The following UVRAG variants were observed in gnomAD, a reference collection of about 807,000 sequenced individuals.
UVRAG encodes UV radiation resistance-associated gene protein.
Under a neutral mutation model 78.0 loss-of-function variants are expected in UVRAG, and 19 were observed. That is an observed-to-expected ratio of 0.24 (90% CI 0.17 to 0.36). The LOEUF (loss-of-function observed/expected upper bound fraction) is 0.36. UVRAG is among the 10% of genes least tolerant of loss of function. The pLI, the probability that UVRAG is intolerant of heterozygous loss-of-function variation, is 1.00. For synonymous variants in UVRAG, 323 were observed against 324.6 expected (o/e 1.00, Z 0.05); for missense variants, 740 against 853.8 (o/e 0.87, Z 1.66).
At chr11:76,020,650 T>G (rs1950228464) in intron 12 of UVRAG, among the ~76,000 whole-genome samples, 2 of 4,574 alleles carry the variant, frequency 4.4e-4, no homozygotes, top group Non-Finnish European at 1.5e-3. Context: ...AGAAGGAGTC[T>G]TTTTTTTTTT....
At chr11:75,940,027 A>C (rs1453948441) in intron 6 of UVRAG, among the ~76,000 whole-genome samples, 1 of 152,224 alleles carries the variant, frequency 6.6e-6, no homozygotes, top group African/African-American at 2.4e-5. Context: ...AGGGGATTCC[A>C]TGAAAATGTT....
At chr11:76,126,817 C>G (rs1175713458) in intron 14 of UVRAG, among the ~76,000 whole-genome samples, 1 of 152,046 alleles carries the variant, frequency 6.6e-6, no homozygotes, top group East Asian at 1.9e-4. Context: ...AAGACTAGAT[C>G]CCTCCCATAT....
In UVRAG at chr11:75,918,923, C is replaced by T. The variant is rs566212876; in HGVS notation, c.593+6884C>T. 2.8e-4 allele frequency among the ~76,000 whole-genome samples: 42 copies of T among 152,310 alleles called. No individual in the cohort carries two copies. The South Asian group carries it at 8.3e-3, about 30-fold the overall frequency. On this transcript the variant is annotated intron_variant, in intron 6 of 14. Coordinates refer to ENST00000356136, the MANE Select transcript of UVRAG (RefSeq NM_003369.4). The stretch of plus-strand genomic sequence containing the variant: ...TTCAGCTGTTGCTTTCTTTCAGCCC[C>T]TGCTCTCCACACAACATGTGGTGAG...
chr11:75,858,705 T>G (rs1946347348), intron 2 of UVRAG, among the ~76,000 whole-genome samples: 2 of 152,200 alleles, frequency 1.3e-5, no homozygotes, highest in Non-Finnish European at 2.9e-5. Context: ...GTGGGAGTTG[T>G]TTTATGTGTG....
intron 13 of UVRAG, among the ~76,000 whole-genome samples, chr11:76,111,360 T>C (rs1952063793): frequency 6.6e-6 from 1 of 152,084 alleles, no homozygotes; most frequent in Non-Finnish European, 1.5e-5. Flanking sequence ...GAGCTAAACA[T>C]AGGAGGGTAG....
intron 1 of UVRAG, among the ~76,000 whole-genome samples, chr11:75,828,640 G>T (rs1945572334): frequency 6.8e-6 from 1 of 147,796 alleles, no homozygotes; most frequent in African/African-American, 2.5e-5. Flanking sequence ...CACCATGCCT[G>T]GCTAATTTAT....
chr11:75,963,253 GTGTT>G (rs1033756173), intron 7 of UVRAG, among the ~76,000 whole-genome samples: 1 of 152,162 alleles, frequency 6.6e-6, no homozygotes, highest in Non-Finnish European at 1.5e-5. Flanking sequence ...ATCTAGAAAA[GTGTT>G]TGCCACACAG....
chr11:75,862,732 T>A (rs1311761071), intron 3 of UVRAG, among the ~76,000 whole-genome samples: 1 of 152,208 alleles, frequency 6.6e-6, no homozygotes, highest in Non-Finnish European at 1.5e-5. Context: ...CATGACCCTG[T>A]TTTATTTTCT....
At chr11:76,103,083 A>G (rs1951905929) in intron 13 of UVRAG, among the ~76,000 whole-genome samples, 2 of 152,166 alleles carry the variant, frequency 1.3e-5, no homozygotes, top group Non-Finnish European at 1.5e-5. Context: ...TTCTTCTTAC[A>G]TGACCCTCCA....
chr11:76,065,695 T>C lies in UVRAG; in HGVS notation c.1227-15T>C, dbSNP rs1951171797. 6.2e-7 allele frequency: 1 copy of C among 1,612,776 alleles called. No individual in the cohort carries two copies. Among genetic ancestry groups the C allele is most frequent in the East Asian group, 2.2e-5 (1 of 44,864 alleles). On this transcript the variant is annotated splice_polypyrimidine_tract_variant and intron_variant, in intron 12 of 14. Coordinates refer to ENST00000356136, the MANE Select transcript of UVRAG (RefSeq NM_003369.4). ...CAGCTTTTGAAAATATCTGATCCTT[T>C]TTTACCTTTCTTAGGTTTCCACTGT...
At chr11:76,016,140 A>G (rs757193149) in intron 11 of UVRAG, among the ~76,000 whole-genome samples, 2 of 152,188 alleles carry the variant, frequency 1.3e-5, no homozygotes, top group Non-Finnish European at 2.9e-5. Context: ...CTTATGTCTG[A>G]TTATAAGATA....
chr11:75,841,104 A>T (rs1945898749), intron 1 of UVRAG, among the ~76,000 whole-genome samples: 1 of 152,162 alleles, frequency 6.6e-6, no homozygotes. Context: ...CTGGGCCTTA[A>T]TTCTTGCCTG....
chr11:75,902,674 T>A (rs1947529734), intron 5 of UVRAG, among the ~76,000 whole-genome samples: 1 of 152,170 alleles, frequency 6.6e-6, no homozygotes, highest in Non-Finnish European at 1.5e-5. Flanking sequence ...AGTTAAGTGT[T>A]GATTTTTTTT....
intron 8 of UVRAG, among the ~76,000 whole-genome samples, chr11:75,990,506 C>T (rs1212106143): frequency 1.3e-5 from 2 of 152,166 alleles, no homozygotes; most frequent in South Asian, 2.1e-4. Context: ...GTCATACTCT[C>T]GTGGGTTTCT....
At chr11:76,066,808 G>T (rs917128890) in intron 13 of UVRAG, among the ~76,000 whole-genome samples, 2 of 152,122 alleles carry the variant, frequency 1.3e-5, no homozygotes, top group African/African-American at 2.4e-5. Flanking sequence ...GTTTTGTTTT[G>T]TTTTCATTGG....
intron 3 of UVRAG, among the ~76,000 whole-genome samples, chr11:75,863,106 C>T (rs918863913): frequency 5.3e-5 from 8 of 152,180 alleles, no homozygotes; most frequent in African/African-American, 1.9e-4. Context: ...CTACTCTTTC[C>T]TCTTCATCAA....
At chr11:75,937,300 T>C (rs1053111905) in intron 6 of UVRAG, among the ~76,000 whole-genome samples, 1 of 152,202 alleles carries the variant, frequency 6.6e-6, no homozygotes. Flanking sequence ...ATCACGCCAC[T>C]GCACTCCAGC....
At chr11:76,025,342 A>T (rs1950309361) in intron 12 of UVRAG, among the ~76,000 whole-genome samples, 3 of 152,212 alleles carry the variant, frequency 2.0e-5, no homozygotes, top group African/African-American at 7.2e-5. Flanking sequence ...TGTCTGGTAG[A>T]TAATAAATTC....
intron 8 of UVRAG, among the ~76,000 whole-genome samples, chr11:75,989,781 C>T (rs901561486): frequency 9.2e-5 from 14 of 152,192 alleles, no homozygotes; most frequent in South Asian, 2.1e-4. Flanking sequence ...GTCTTATCTT[C>T]GCACTTATTT....
Sources: gnomAD v4.1 joint callset for allele counts (sites outside exome capture counted in the v4.1 genomes callset) on GRCh38, gnomAD v4.1.1 for gene constraint, MANE v1.5 for transcripts, NCBI Gene and HGNC (gene_info 2026-07-23, HGNC 2026-07-21) for gene names.